CFAP52: variants seen among roughly 807,000 people sequenced by gnomAD.
CFAP52 encodes cilia and flagella associated protein 52.
A neutral mutation model predicts 70.5 loss-of-function variants in CFAP52; 57 were observed. The ratio of observed to expected loss-of-function variants is 0.81; its 90% CI spans 0.65 to 1.01. CFAP52 has a LOEUF of 1.01. CFAP52 is among the 50% of genes least tolerant of loss of function. The pLI is 0.00. For missense variants in CFAP52, 785 were observed against 788.5 expected, an observed-to-expected ratio of 1.00 and a Z score of 0.05; for synonymous variants, 267 against 292.5, an observed-to-expected ratio of 0.91 and a Z score of 0.89.
At chr17:9,607,730 A>G (rs1909552333) in intron 6 of CFAP52, among the ~76,000 whole-genome samples, 2 of 152,152 alleles carry the variant, frequency 1.3e-5, no homozygotes, top group Non-Finnish European at 2.9e-5. Flanking sequence ...AGTGGATGTA[A>G]AAGTGTTAAT....
At chr17:9,596,055 GTGTGTATATA>G (rs1488424254) in intron 4 of CFAP52, among the ~76,000 whole-genome samples, 2 of 90,460 alleles carry the variant, frequency 2.2e-5, no homozygotes, top group African/African-American at 5.6e-5. Flanking sequence ...ATATATATGT[GTGTGTATATA>G]TATATATATA....
At chr17:9,581,222 C>G (rs557324616) in intron 1 of CFAP52, among the ~76,000 whole-genome samples, 7 of 152,260 alleles carry the variant, frequency 4.6e-5, no homozygotes, top group African/African-American at 1.7e-4. Context: ...GAGGCTGAGG[C>G]AGGAGAATGG....
At chr17:9,582,794 G>T (rs780675059) in intron 1 of CFAP52, among the ~76,000 whole-genome samples, 1 of 152,084 alleles carries the variant, frequency 6.6e-6, no homozygotes, top group African/African-American at 2.4e-5. Context: ...CCACCACTAC[G>T]CCCAGCTAAT....
chr17:9,587,911 T>G (rs1048364450), intron 3 of CFAP52, among the ~76,000 whole-genome samples: 1 of 152,180 alleles, frequency 6.6e-6, no homozygotes, highest in African/African-American at 2.4e-5. Context: ...AAAAATACCA[T>G]AAAAGTGGTT....
At chr17:9,602,160 A>G (rs1029129086) in intron 6 of CFAP52, among the ~76,000 whole-genome samples, 2 of 151,978 alleles carry the variant, frequency 1.3e-5, no homozygotes, top group African/African-American at 4.8e-5. Context: ...TACATGTGGG[A>G]TACATGTGCA....
chr17:9,613,625 C>A (rs911662607), intron 8 of CFAP52, among the ~76,000 whole-genome samples: 3 of 152,088 alleles, frequency 2.0e-5, no homozygotes, highest in Non-Finnish European at 2.9e-5. Context: ...TCAAGCGATT[C>A]TCCTGCCTCA....
intron 1 of CFAP52, among the ~76,000 whole-genome samples, chr17:9,577,622 A>G (rs1466918283): frequency 1.3e-5 from 2 of 152,252 alleles, no homozygotes; most frequent in East Asian, 3.8e-4. Flanking sequence ...TCTAGGACTT[A>G]GCTCTTGACT....
At chr17:9,590,729 T>G (rs577201488) in intron 3 of CFAP52, among the ~76,000 whole-genome samples, 1 of 152,354 alleles carries the variant, frequency 6.6e-6, no homozygotes, top group African/African-American at 2.4e-5. Context: ...GCAAAACTGT[T>G]AATCTCTGCT....
At chr17:9,579,630 C>T (rs949895077) in intron 1 of CFAP52, among the ~76,000 whole-genome samples, 3 of 152,168 alleles carry the variant, frequency 2.0e-5, no homozygotes, top group Admixed American at 6.5e-5. Context: ...TGCAGTGGTG[C>T]GATCTCAGCT....
At chr17:9,585,409 C>T (rs758236820) in intron 1 of CFAP52, among the ~76,000 whole-genome samples, 6 of 152,146 alleles carry the variant, frequency 3.9e-5, no homozygotes, top group Non-Finnish European at 5.9e-5. Context: ...TGGCTCACAC[C>T]TGTAATCCCA....
intron 6 of CFAP52, 37 bp from the exon 7 acceptor site, chr17:9,608,082 T>G (rs753377994): frequency 6.4e-6 from 10 of 1,559,794 alleles, no homozygotes; most frequent in Non-Finnish European, 7.9e-6. Flanking sequence ...ATTTGTGAGA[T>G]TTTTGTGCTT....
At chr17:9,631,360 A>T (rs1045112763) in intron 9 of CFAP52, among the ~76,000 whole-genome samples, 2 of 152,056 alleles carry the variant, frequency 1.3e-5, no homozygotes, top group Non-Finnish European at 2.9e-5. Context: ...CTTTCCCTAG[A>T]TACCTCCATG....
intron 5 of CFAP52, among the ~76,000 whole-genome samples, chr17:9,598,874 G>T (rs2151935705): frequency 6.6e-6 from 1 of 152,062 alleles, no homozygotes. Context: ...AATCTAGGCT[G>T]TCATCAAACA....
In CFAP52 at chr17:9,594,219, G is replaced by A; in HGVS notation, c.434G>A (p.Arg145Lys). ...GTGGTGGTGTGGAGCATAGCCAAGA[G>A]AGATGCCATCTGTGGCAGCCCTGCA... ...GSVVVWSIAK[R>K]DAICGSPAAG... Residue 145 changes from arginine (R) to lysine (K), a missense_variant, in exon 4 of 14, where the codon AGA (arginine) becomes AAA (lysine). By Grantham distance (26) the Arg-to-Lys change is conservative. Coordinates refer to ENST00000352665, the MANE Select transcript of CFAP52 (RefSeq NM_145054.5). 6.2e-7 allele frequency: 1 copy of A among 1,613,650 alleles called. No homozygotes were observed. The highest frequency in any genetic ancestry group is 8.5e-7 in the Non-Finnish European group (1 of 1,179,840).
At chr17:9,611,409 C>T (rs56238892) in intron 7 of CFAP52, among the ~76,000 whole-genome samples, 1 of 151,890 alleles carries the variant, frequency 6.6e-6, no homozygotes, top group Non-Finnish European at 1.5e-5. Context: ...GGATGGAGGG[C>T]AGGGATGAGA....
chr17:9,602,801 C>T (rs1002122754), intron 6 of CFAP52, among the ~76,000 whole-genome samples: 13 of 152,150 alleles, frequency 8.5e-5, no homozygotes, highest in African/African-American at 2.2e-4. Flanking sequence ...TTTTAATGAT[C>T]GCCATTCTAA....
intron 10 of CFAP52, among the ~76,000 whole-genome samples, chr17:9,634,225 T>A (rs1437825278): frequency 6.6e-6 from 1 of 152,216 alleles, no homozygotes; most frequent in Admixed American, 6.5e-5. Context: ...TAATCCCCTG[T>A]CATAGGAAGA....
chr17:9,635,589 A>T (rs570542122), intron 11 of CFAP52, 33 bp downstream of exon 11: 1 of 1,613,532 alleles, frequency 6.2e-7, no homozygotes, highest in African/African-American at 1.3e-5. Flanking sequence ...ATGCAGTGAT[A>T]CCTGCAAAAT....
At chr17:9,632,028 C>T (rs1168525979) in intron 9 of CFAP52, among the ~76,000 whole-genome samples, 3 of 151,582 alleles carry the variant, frequency 2.0e-5, no homozygotes, top group Admixed American at 6.6e-5. Context: ...CTGCCTTGGC[C>T]TCCCAAAGCG....
Sources: allele counts gnomAD v4.1 joint callset (sites outside exome capture counted in the v4.1 genomes callset), GRCh38; gene constraint gnomAD v4.1.1; transcripts MANE v1.5; gene names NCBI Gene and HGNC (gene_info 2026-07-23, HGNC 2026-07-21).